The following SMC5 variants were observed in gnomAD, a reference collection of about 807,000 sequenced individuals.
SMC5 encodes the protein structural maintenance of chromosomes protein 5.
A neutral mutation model predicts 148.3 loss-of-function variants in SMC5; 88 were observed. That is an observed-to-expected ratio of 0.59 (90% CI 0.50 to 0.71). The LOEUF is 0.71. Ranked by LOEUF, SMC5 falls within the 30% of genes least tolerant of loss-of-function variation. SMC5 has a pLI of 0.00. For synonymous variants in SMC5, 421 were observed against 432.8 expected (o/e 0.97, Z 0.34); for missense variants, 1,142 against 1,298.9 (o/e 0.88, Z 1.86).
rs376489062 is a variant in SMC5, at chr9:70,277,286, A to G, written c.381-24A>G. 56 of 1,447,172 alleles carry G rather than the reference A, an allele frequency of 3.9e-5. No homozygotes were observed. The African/African-American group carries it at 7.3e-4, about 19-fold the overall frequency. 89.6% of individuals were successfully genotyped at this position (1,447,172 alleles called of 1,614,324 possible). A position where few individuals can be genotyped will look rare whatever the true frequency, so the allele number is the denominator to read the frequency against. On this transcript the variant is annotated intron_variant, in intron 3 of 24. Transcript: ENST00000361138. ...TAATGTATATATTTTGAATATAAAGATTCTTAAATTATTTTTTAATTAGGT... is the reference window on the plus strand; with the variant it reads ...TAATGTATATATTTTGAATATAAAGGTTCTTAAATTATTTTTTAATTAGGT...
intron 17 of SMC5, among the ~76,000 whole-genome samples, chr9:70,329,996 G>A (rs541928570): frequency 2.0e-5 from 3 of 152,184 alleles, no homozygotes; most frequent in African/African-American, 7.2e-5. Context: ...GATCTTGTGA[G>A]AACTCAGTAT....
At chr9:70,286,133 G>A (rs2034893145) in intron 7 of SMC5, 67 bp from the exon 8 acceptor site, 2 of 917,974 alleles carry the variant, frequency 2.2e-6, no homozygotes, top group Non-Finnish European at 3.6e-6. Context: ...AATGGGCAGG[G>A]CCATATAATT....
At position 70,282,574 on chromosome 9, in the gene SMC5, C is replaced by A. The variant is rs1474834716; in HGVS notation, c.972C>A (p.Ile324=). 3 of 1,566,308 alleles carry A rather than the reference C, an allele frequency of 1.9e-6. No individual in the cohort carries two copies. Among genetic ancestry groups the A allele is most frequent in the South Asian group, 1.3e-5 (1 of 79,496 alleles). Residue 324 remains isoleucine (I), a synonymous_variant, in exon 7 of 25, where the codon ATC becomes ATA. Coordinates refer to ENST00000361138, the MANE Select transcript of SMC5 (RefSeq NM_015110.4). ...ENERHNLEAR[I]KEKATDIKEA... ...AGCGTCACAATTTGGAGGCTCGAAT[C>A]AAAGAAAAGGTACTTTTTGGTTTCA...
chr9:70,337,450 GTTTTTTTTTTTTTT>G (rs201218742), intron 17 of SMC5, among the ~76,000 whole-genome samples: 20 of 119,950 alleles, frequency 1.7e-4, no homozygotes, highest in African/African-American at 6.3e-4. Context: ...TTTGGGATTT[GTTTTTTTTTTTTTT>G]TTTTTTTTTT....
At chr9:70,268,204 G>C (rs1181259946) in intron 3 of SMC5, among the ~76,000 whole-genome samples, 1 of 152,136 alleles carries the variant, frequency 6.6e-6, no homozygotes, top group Non-Finnish European at 1.5e-5. Context: ...GAGCACTTTG[G>C]GGAGGCCGAG....
Position 70,350,197 on chromosome 9 carries a change from A to G in SMC5, c.2973A>G (p.Gln991=). 6 of 1,613,608 alleles carry G rather than the reference A, an allele frequency of 3.7e-6. No homozygotes were observed. Among genetic ancestry groups the G allele is most frequent in the Non-Finnish European group, 5.1e-6 (6 of 1,179,742 alleles). The change falls in exon 23 of 25, where the codon CAA becomes CAG. Residue 991 remains glutamine (Q), a synonymous_variant. Coordinates refer to ENST00000361138, the MANE Select transcript of SMC5 (RefSeq NM_015110.4). ...TGCATGAATTAACTCCTCATCATCA[A>G]AGTGGAGGTGAAAGAAGTGTTTCTA... The part of the protein sequence containing the change: ...TQLHELTPHH[Q]SGGERSVSTM...
rs368696755 is a variant in SMC5, at chr9:70,279,453, A to G, written c.678+828A>G. Among the ~76,000 whole-genome samples, 22 of 152,220 alleles carry G rather than the reference A, an allele frequency of 1.4e-4. No individual in the cohort carries two copies. The South Asian group carries it at 3.5e-3, about 24-fold the overall frequency. ...AGGATTGCTTGAGCCAAGGAGGTCA[A>G]GGTTGCAATGAGCTGTGATTGCACC... On this transcript the variant is annotated intron_variant, in intron 5 of 24. Transcript: ENST00000361138.
chr9:70,346,542 A>G, intron 18 of SMC5, 63 bp from the exon 19 acceptor site: 1 of 1,524,538 alleles, frequency 6.6e-7, no homozygotes, highest in Non-Finnish European at 9.1e-7. Flanking sequence ...GTGCAGTATA[A>G]AGTTCTAACT....
chr9:70,298,873 T>A (rs1456539710), intron 9 of SMC5, among the ~76,000 whole-genome samples: 1 of 151,964 alleles, frequency 6.6e-6, no homozygotes, highest in Admixed American at 6.6e-5. Context: ...TATCATATTC[T>A]TATTTCACTA....
chr9:70,346,375 T>C (rs1038595946), intron 18 of SMC5: 2 of 569,574 alleles, frequency 3.5e-6, no homozygotes, highest in Admixed American at 3.3e-5. Context: ...CCTTTGCAGG[T>C]TGTGCTAGGC....
chr9:70,316,861 A>G (rs2035816425), intron 13 of SMC5, among the ~76,000 whole-genome samples: 1 of 152,096 alleles, frequency 6.6e-6, no homozygotes, highest in Non-Finnish European at 1.5e-5. Context: ...TGGAATTCAT[A>G]TAATTTATAT....
At chr9:70,295,883 T>G (rs998361258) in intron 8 of SMC5, among the ~76,000 whole-genome samples, 1 of 152,212 alleles carries the variant, frequency 6.6e-6, no homozygotes, top group Non-Finnish European at 1.5e-5. Context: ...TAGTGATTCT[T>G]AATTATATAT....
At chr9:70,318,731 A>G (rs751664784) in intron 14 of SMC5, 44 bp downstream of exon 14, 2 of 1,558,998 alleles carry the variant, frequency 1.3e-6, no homozygotes, top group Admixed American at 2.1e-5. Context: ...TATTAACTGG[A>G]TTTCTAATAG....
intron 17 of SMC5, among the ~76,000 whole-genome samples, chr9:70,337,095 G>C (rs1330636090): frequency 6.6e-6 from 1 of 152,158 alleles, no homozygotes; most frequent in Non-Finnish European, 1.5e-5. Context: ...CCATGATTCA[G>C]TTGCCTCCCA....
At position 70,315,446 on chromosome 9, in the gene SMC5, A is replaced by G. The variant is rs1227885491; in HGVS notation, c.1674A>G (p.Lys558=). 4 of 1,566,180 alleles carry G rather than the reference A, an allele frequency of 2.6e-6. No individual in the cohort carries two copies. The highest frequency in any genetic ancestry group is 2.6e-6 in the Non-Finnish European group (3 of 1,155,052). The change falls in exon 13 of 25, where the codon AAA becomes AAG. Residue 558 remains lysine, a splice_region_variant and synonymous_variant. Coordinates refer to ENST00000361138, the MANE Select transcript of SMC5 (RefSeq NM_015110.4). ...ATCTAATCAATACTTTTCCTTTCAG[A>G]CAATACGGATTTTTCTCTTATTTGA... is the stretch of plus-strand genomic sequence containing the variant. ...KAPSRSLNEL[K]QYGFFSYLRE...
intron 17 of SMC5, among the ~76,000 whole-genome samples, chr9:70,328,356 C>T (rs1012792872): frequency 8.5e-5 from 13 of 152,190 alleles, no homozygotes; most frequent in African/African-American, 2.9e-4. Flanking sequence ...CTAGTTACTT[C>T]CAAGATATAG....
At chr9:70,274,833 A>G (rs964186341) in intron 3 of SMC5, among the ~76,000 whole-genome samples, 7 of 152,112 alleles carry the variant, frequency 4.6e-5, no homozygotes, top group African/African-American at 1.4e-4. Flanking sequence ...CAAAGATTTT[A>G]CAGTACTTTG....
chr9:70,318,169 G>C (rs1021681021), intron 13 of SMC5, among the ~76,000 whole-genome samples: 6 of 152,130 alleles, frequency 3.9e-5, no homozygotes, highest in African/African-American at 1.2e-4. Flanking sequence ...AATCTCAGAG[G>C]CAGGAATTCA....
chr9:70,274,855 T>G (rs2034545951), intron 3 of SMC5, among the ~76,000 whole-genome samples: 1 of 152,090 alleles, frequency 6.6e-6, no homozygotes, highest in African/African-American at 2.4e-5. Flanking sequence ...TCTTAATAAC[T>G]TCTCTGAACT....
Sources: gnomAD v4.1 joint callset for allele counts (sites outside exome capture counted in the v4.1 genomes callset) on GRCh38, gnomAD v4.1.1 for gene constraint, MANE v1.5 for transcripts, NCBI Gene and HGNC (gene_info 2026-07-23, HGNC 2026-07-21) for gene names.